The following PLB1 variants were observed in gnomAD, a reference collection of about 807,000 sequenced individuals.
PLB1 encodes the protein phospholipase B1, also known as phospholipase B1, membrane-associated.
PLB1 carries 242 observed loss-of-function variants against 227.4 expected under a neutral mutation model. That is an observed-to-expected ratio of 1.06 (90% CI 0.96 to 1.18). PLB1 has a LOEUF of 1.18. PLB1 is among the 50% of genes most tolerant of loss of function. The pLI is 0.00. For synonymous variants in PLB1, 757 were observed against 682.2 expected (o/e 1.11, Z -1.71); for missense variants, 1,858 against 1,816.3 (o/e 1.02, Z -0.42).
intron 1 of PLB1, among the ~76,000 whole-genome samples, chr2:28,508,568 T>C (rs1667888201): frequency 6.6e-6 from 1 of 152,084 alleles, no homozygotes; most frequent in Non-Finnish European, 1.5e-5. Flanking sequence ...TCCCTATAGG[T>C]CACATAGGGT....
chr2:28,622,014 C>T (rs1406669201), intron 49 of PLB1, among the ~76,000 whole-genome samples: 1 of 152,174 alleles, frequency 6.6e-6, no homozygotes. Context: ...GCTCCTCTGC[C>T]AGATGAAGTC....
rs187964721 is a variant in PLB1 at position 28,537,753 on chromosome 2, G to A, written c.556-566G>A. On this transcript the variant is annotated intron_variant, in intron 9 of 57. Coordinates refer to ENST00000327757, the MANE Select transcript of PLB1 (RefSeq NM_153021.5). ...TGACCTGCAGGAAGGGGAGTGGTGT[G>A]TGTGTTGGGTGCGTGGGAGATGTCT... is the stretch of plus-strand genomic sequence containing the variant. Among the ~76,000 whole-genome samples the A allele has an allele frequency of 5.4e-3, 826 of 151,614 alleles. 8 individuals carry two copies. The highest frequency in any genetic ancestry group is 0.019 in the African/African-American group (777 of 41,238).
Position 28,606,877 on chromosome 2 carries a change from G to T in PLB1, c.3129+310G>T, listed in dbSNP as rs138269485. On this transcript the variant is annotated intron_variant, in intron 43 of 57. Transcript: ENST00000327757. The stretch of plus-strand genomic sequence containing the variant: ...AAATCAGGATGCCAGGAAAATGGCA[G>T]GAGGGCTTCTCTTAGCAGTGGTGTT... Among the ~76,000 whole-genome samples, 300 of 152,306 alleles carry T rather than the reference G, an allele frequency of 2.0e-3. 1 individual carries two copies. The highest frequency in any genetic ancestry group is 0.014 in the Admixed American group (208 of 15,308).
At chr2:28,521,004 C>G (rs1441008283) in intron 4 of PLB1, among the ~76,000 whole-genome samples, 1 of 152,138 alleles carries the variant, frequency 6.6e-6, no homozygotes, top group Non-Finnish European at 1.5e-5. Flanking sequence ...AGAAATCATA[C>G]ACTTAATGTT....
chr2:28,637,299 TAAAAAA>T (rs34972015), intron 56 of PLB1, among the ~76,000 whole-genome samples: 1 of 131,158 alleles, frequency 7.6e-6, no homozygotes, highest in Non-Finnish European at 1.7e-5. Flanking sequence ...GTCTCAAATT[TAAAAAA>T]AAAAAAAAAA....
intron 18 of PLB1, among the ~76,000 whole-genome samples, chr2:28,563,557 C>T (rs1321239912): frequency 3.5e-5 from 5 of 141,384 alleles, no homozygotes; most frequent in Admixed American, 2.2e-4. Context: ...AGGGCAAGTG[C>T]TAATGGGGGC....
In PLB1 at chr2:28,591,130, C is replaced by T. The variant is rs778811167; in HGVS notation, c.2089-3C>T. 9.9e-6 allele frequency: 16 copies of T among 1,614,088 alleles called. No individual in the cohort carries two copies. Among genetic ancestry groups the T allele is most frequent in the African/African-American group, 8.0e-5 (6 of 74,924 alleles). On this transcript the variant is annotated splice_region_variant and splice_polypyrimidine_tract_variant and intron_variant, in intron 29 of 57. Transcript: ENST00000327757. ...GCCATTGCTCACCCCCCTCTCCTCACAGGTCCAGCCGTTTCTGAGGACCTA... is the reference window on the plus strand; with the variant it reads ...GCCATTGCTCACCCCCCTCTCCTCATAGGTCCAGCCGTTTCTGAGGACCTA...
At chr2:28,612,737 T>C (rs558345804) in intron 43 of PLB1, among the ~76,000 whole-genome samples, 1 of 150,718 alleles carries the variant, frequency 6.6e-6, no homozygotes, top group South Asian at 2.1e-4. Flanking sequence ...ACCTCTCAAG[T>C]AGCTGAGATT....
intron 1 of PLB1, among the ~76,000 whole-genome samples, chr2:28,499,539 T>A (rs1666845277): frequency 6.6e-6 from 1 of 151,484 alleles, no homozygotes; most frequent in Non-Finnish European, 1.5e-5. Flanking sequence ...TTTTTTTTTT[T>A]AAAGAGGTGA....
chr2:28,591,212 A>C (rs994613585), intron 30 of PLB1, 41 bp downstream of exon 30: 1 of 1,611,492 alleles, frequency 6.2e-7, no homozygotes, highest in Admixed American at 1.7e-5. Flanking sequence ...CAGGCAATGC[A>C]ATGGGCAACC....
At chr2:28,551,355 A>T (rs1674223868) in intron 16 of PLB1, among the ~76,000 whole-genome samples, 1 of 152,218 alleles carries the variant, frequency 6.6e-6, no homozygotes, top group Non-Finnish European at 1.5e-5. Context: ...CTCCTCTGGG[A>T]AAGCAAGGAA....
chr2:28,620,344 C>A lies in PLB1; in HGVS notation c.3383+12C>A, dbSNP rs981916302. On this transcript the variant is annotated intron_variant, in intron 47 of 57. Coordinates refer to ENST00000327757, the MANE Select transcript of PLB1 (RefSeq NM_153021.5). ...GGACTCTCTTGGAGGTGAGGATGTT[C>A]TTGATGCATGCTCTATTGATGATGC... 5.7e-6 allele frequency: 9 copies of A among 1,588,456 alleles called. No individual in the cohort carries two copies. The highest frequency in any genetic ancestry group is 7.7e-6 in the Non-Finnish European group (9 of 1,163,828).
At position 28,582,060 on chromosome 2, in the gene PLB1, TC is replaced by T; in HGVS notation, c.1567-6del. On this transcript the variant is annotated splice_region_variant and splice_polypyrimidine_tract_variant and intron_variant, in intron 23 of 57. Coordinates refer to ENST00000327757, the MANE Select transcript of PLB1 (RefSeq NM_153021.5). Reference sequence around the variant, plus strand: ...ATGGTGTTCAAGGGACACTTCCTCTTCCTGCAGGTCCACTATTCTCCCCAGA... The same window carrying T: ...ATGGTGTTCAAGGGACACTTCCTCTTCTGCAGGTCCACTATTCTCCCCAGA... 1 of 1,611,670 alleles carries T rather than the reference TC, an allele frequency of 6.2e-7. No homozygotes were observed. Among genetic ancestry groups the T allele is most frequent in the Non-Finnish European group, 8.5e-7 (1 of 1,177,910 alleles).
intron 34 of PLB1, 98 bp from the exon 35 acceptor site, chr2:28,598,554 A>G: frequency 1.1e-6 from 1 of 922,160 alleles, no homozygotes; most frequent in Non-Finnish European, 1.8e-6. Context: ...GAGGATGATA[A>G]CACAGCCCAC....
At chr2:28,602,309 G>A (rs1051856615) in intron 38 of PLB1, among the ~76,000 whole-genome samples, 2 of 152,178 alleles carry the variant, frequency 1.3e-5, no homozygotes, top group Admixed American at 6.5e-5. Flanking sequence ...GAGCCACAGG[G>A]TGTGTCTAGA....
At chr2:28,529,227 G>A in intron 6 of PLB1, 90 bp from the exon 7 acceptor site, 5 of 855,954 alleles carry the variant, frequency 5.8e-6, no homozygotes, top group East Asian at 2.5e-5. Context: ...TTATAGGCAT[G>A]AGCCACCACT....
At chr2:28,573,172 G>C in intron 20 of PLB1, 25 bp from the exon 21 acceptor site, 1 of 1,568,348 alleles carries the variant, frequency 6.4e-7, no homozygotes, top group Non-Finnish European at 8.8e-7. Context: ...TAGTCACTAA[G>C]CGTGTCTTTT....
chr2:28,496,247 G>A (rs1371771971), intron 1 of PLB1, 78 bp downstream of exon 1: 5 of 1,362,890 alleles, frequency 3.7e-6, no homozygotes, highest in East Asian at 2.3e-5. Context: ...CAATGGGTGT[G>A]TGAGAGGAGT....
chr2:28,541,780 T>TC lies in PLB1; in HGVS notation c.849dup (p.Phe284LeufsTer3). On this transcript the variant is annotated frameshift_variant, in exon 13 of 58. Transcript: ENST00000327757. LOFTEE classifies it high-confidence loss of function. ...TCCTTCACCGTGGTTTTCCAGCCTT[T>TC]CTTCTATGAGACCACCCCATCTCTA... 1.2e-6 allele frequency: 2 copies of TC among 1,611,944 alleles called. No individual in the cohort carries two copies. The highest frequency in any genetic ancestry group is 1.7e-6 in the Non-Finnish European group (2 of 1,179,200).
Sources: gnomAD v4.1 joint callset for allele counts (sites outside exome capture counted in the v4.1 genomes callset) on GRCh38, gnomAD v4.1.1 for gene constraint, MANE v1.5 for transcripts, NCBI Gene and HGNC (gene_info 2026-07-23, HGNC 2026-07-21) for gene names.